The following LMO7 variants were observed in gnomAD, a reference collection of about 807,000 sequenced individuals.
The protein encoded by LMO7 is LIM domain only protein 7.
LMO7 carries 120 observed loss-of-function variants against 206.5 expected under a neutral mutation model. The ratio of observed to expected loss-of-function variants is 0.58; its 90% CI spans 0.50 to 0.68. The LOEUF (loss-of-function observed/expected upper bound fraction) is 0.68. LMO7 is among the 30% of genes least tolerant of loss of function. The probability of loss-of-function intolerance (pLI) is 0.00; values close to 1 mark genes in which losing one functional copy is unlikely to be tolerated. For synonymous variants in LMO7, 706 were observed against 681.5 expected, an observed-to-expected ratio of 1.04 and a Z score of -0.56; for missense variants, 1,959 against 1,957.9, an observed-to-expected ratio of 1.00 and a Z score of -0.01.
At position 75,727,114 on chromosome 13, in the gene LMO7, T is replaced by C; in HGVS notation, c.210+16T>C. ...AGCAGGATTGGTAAGTAGTAAATTA[T>C]CTTCACAACTAAATTTATTTGTCTT... On this transcript the variant is annotated intron_variant, in intron 3 of 30. Coordinates refer to ENST00000377534, the MANE Select transcript of LMO7 (RefSeq NM_001306080.2). The C allele has an allele frequency of 6.9e-7, 1 of 1,457,108 alleles. No individual in the cohort carries two copies. Among genetic ancestry groups the C allele is most frequent in the Non-Finnish European group, 9.6e-7 (1 of 1,041,488 alleles). 90.3% of individuals were successfully genotyped at this position (1,457,108 alleles called of 1,614,324 possible). A position where few individuals can be genotyped will look rare whatever the true frequency, so the allele number is the denominator to read the frequency against.
At chr13:75,794,055 A>G (rs761270844) in intron 4 of LMO7, among the ~76,000 whole-genome samples, 6 of 152,232 alleles carry the variant, frequency 3.9e-5, no homozygotes, top group Admixed American at 6.5e-5. Flanking sequence ...TATCCATTAT[A>G]ATGTTAAGGA....
At chr13:75,636,829 C>T in intron 1 of LMO7, 103 bp downstream of exon 1, 1 of 1,174,170 alleles carries the variant, frequency 8.5e-7, no homozygotes, top group Non-Finnish European at 1.2e-6. Flanking sequence ...TAGCCTCCTT[C>T]GGCGACCCAG....
chr13:75,737,782 TAAAA>T (rs71127577), intron 3 of LMO7, among the ~76,000 whole-genome samples: 13 of 36,340 alleles, frequency 3.6e-4, no homozygotes, highest in Non-Finnish European at 1.6e-4. Context: ...TAAAATAAAA[TAAAA>T]AAAAAAAAAA....
At chr13:75,743,199 T>G (rs2046558335) in intron 3 of LMO7, among the ~76,000 whole-genome samples, 1 of 152,168 alleles carries the variant, frequency 6.6e-6, no homozygotes. Context: ...GAATGGCTAT[T>G]ACTAAAAAGT....
At chr13:75,703,831 A>G (rs987393200) in intron 1 of LMO7, among the ~76,000 whole-genome samples, 24 of 152,170 alleles carry the variant, frequency 1.6e-4, no homozygotes, top group Non-Finnish European at 2.5e-4. Flanking sequence ...CAATCATTCT[A>G]TTCAGGGACA....
rs574940857 is a variant in LMO7 at position 75,682,559 on chromosome 13, G to A, written c.70-30623G>A. ...TTTCTTATCAGGTTGCCCAGATGTG[G>A]GGTAAAGAGGAAAGGGGAGGGTGGT... On this transcript the variant is annotated intron_variant, in intron 1 of 30. Coordinates refer to ENST00000377534, the MANE Select transcript of LMO7 (RefSeq NM_001306080.2). Among the ~76,000 whole-genome samples the A allele has an allele frequency of 6.6e-5, 10 of 152,260 alleles. No individual in the cohort carries two copies. In the East Asian group the frequency reaches 1.5e-3, roughly 23 times the overall value.
intron 3 of LMO7, among the ~76,000 whole-genome samples, chr13:75,740,224 T>G (rs1433146590): frequency 1.3e-5 from 2 of 152,204 alleles, no homozygotes; most frequent in Non-Finnish European, 2.9e-5. Flanking sequence ...CATGTGTGTC[T>G]CAGAGGGAGT....
chr13:75,718,244 A>AATTCAC (rs2043718582), intron 2 of LMO7, among the ~76,000 whole-genome samples: 1 of 152,218 alleles, frequency 6.6e-6, no homozygotes, highest in African/African-American at 2.4e-5. Context: ...TGAACTTAAA[A>AATTCAC]ATTCACTTCA....
At chr13:75,814,441 T>C (rs2056774233) in intron 11 of LMO7, among the ~76,000 whole-genome samples, 1 of 152,132 alleles carries the variant, frequency 6.6e-6, no homozygotes, top group South Asian at 2.1e-4. Context: ...GGTTCAGTAC[T>C]ATGAAAAAGG....
chr13:75,776,181 A>AACGT (rs2050429974), intron 4 of LMO7, among the ~76,000 whole-genome samples: 1 of 73,282 alleles, frequency 1.4e-5, no homozygotes, highest in Non-Finnish European at 2.6e-5. Context: ...ATATATATAT[A>AACGT]TATATATATA....
chr13:75,728,628 A>T (rs1469966943), intron 3 of LMO7, among the ~76,000 whole-genome samples: 1 of 139,804 alleles, frequency 7.2e-6, no homozygotes, highest in Non-Finnish European at 1.5e-5. Context: ...TCTTTAGTTT[A>T]ATTAGATCCC....
Position 75,737,782 on chromosome 13 carries a change from T to TA in LMO7, c.210+10703dup, listed in dbSNP as rs71127577. On this transcript the variant is annotated intron_variant, in intron 3 of 30. Coordinates refer to ENST00000377534, the MANE Select transcript of LMO7 (RefSeq NM_001306080.2). ...AAAAAAAAAATAAAATAAAATAAAATAAAAAAAAAAAAAAAAAAACTTTTT... is the reference window on the plus strand; with the variant it reads ...AAAAAAAAAATAAAATAAAATAAAATAAAAAAAAAAAAAAAAAAAACTTTTT... Among the ~76,000 whole-genome samples, 184 of 36,344 alleles carry TA rather than the reference T, an allele frequency of 5.1e-3. 6 individuals carry two copies. Among genetic ancestry groups the TA allele is most frequent in the South Asian group, 0.021 (11 of 530 alleles). The allele number at this position is 36,344 out of a possible 152,430, so 23.8% of individuals were successfully genotyped here.
rs929986265 is a variant in LMO7, at chr13:75,689,503, G to A, written c.70-23679G>A. On this transcript the variant is annotated intron_variant, in intron 1 of 30. Coordinates refer to ENST00000377534, the MANE Select transcript of LMO7 (RefSeq NM_001306080.2). ...AAGGATGCAAAGTATTGTGTTGGGC[G>A]TGTCTGTGAGGGTGGTGCCAAAGGA... Among the ~76,000 whole-genome samples, 26 of 152,280 alleles carry A rather than the reference G, an allele frequency of 1.7e-4. 1 individual carries two copies. Among genetic ancestry groups the A allele is most frequent in the Admixed American group, 9.8e-4 (15 of 15,282 alleles).
chr13:75,820,221 G>A (rs2057437636), intron 13 of LMO7, among the ~76,000 whole-genome samples: 1 of 152,208 alleles, frequency 6.6e-6, no homozygotes, highest in Non-Finnish European at 1.5e-5. Flanking sequence ...TCACTTAAAT[G>A]CAATTCAGTT....
intron 16 of LMO7, 127 bp from the exon 17 acceptor site, chr13:75,834,099 C>T (rs753932898): frequency 9.3e-6 from 6 of 643,782 alleles, no homozygotes; most frequent in Non-Finnish European, 1.5e-5. Context: ...AAAATAGTGA[C>T]CTCCACCTGA....
upstream of LMO7, among the ~76,000 whole-genome samples, chr13:75,633,563 G>C (rs1328335864): frequency 6.6e-6 from 1 of 152,128 alleles, no homozygotes; most frequent in African/African-American, 2.4e-5. Flanking sequence ...AGAAGCCTAA[G>C]ATAAATCCAG....
intron 1 of LMO7, among the ~76,000 whole-genome samples, chr13:75,655,201 T>G (rs2037938505): frequency 6.6e-6 from 1 of 152,220 alleles, no homozygotes; most frequent in Non-Finnish European, 1.5e-5. Flanking sequence ...CTTGCATATC[T>G]GCAAGTTTCT....
chr13:75,705,191 A>G (rs966112646), intron 1 of LMO7, among the ~76,000 whole-genome samples: 3 of 149,822 alleles, frequency 2.0e-5, no homozygotes, highest in Admixed American at 1.3e-4. Context: ...TCTTTGCCAC[A>G]GGATGGCTGG....
intron 4 of LMO7, among the ~76,000 whole-genome samples, chr13:75,781,034 T>C (rs1408497681): frequency 6.6e-6 from 1 of 151,364 alleles, no homozygotes; most frequent in Non-Finnish European, 1.5e-5. Flanking sequence ...AAAATACATT[T>C]ATAATTATCT....
Sources: gnomAD v4.1 joint callset for allele counts (sites outside exome capture counted in the v4.1 genomes callset) on GRCh38, gnomAD v4.1.1 for gene constraint, MANE v1.5 for transcripts, NCBI Gene and HGNC (gene_info 2026-07-23, HGNC 2026-07-21) for gene names.